Variants in ZNF407 observed in about 807,000 individuals in gnomAD.
ZNF407 encodes the protein zinc finger protein 407.
In ZNF407, 17 loss-of-function variants were observed where a neutral mutation model predicts 131.2. The ratio of observed to expected loss-of-function variants is 0.13; its 90% CI spans 0.09 to 0.19. ZNF407 has a LOEUF of 0.19. ZNF407 is among the 10% of genes least tolerant of loss of function. ZNF407 has a pLI of 1.00. For missense variants in ZNF407, 2,681 were observed against 2,830.6 expected (o/e 0.95, Z 1.20); for synonymous variants, 1,156 against 1,062.0 (o/e 1.09, Z -1.72).
chr18:75,034,902 TTTC>T (rs1208260698), intron 8 of ZNF407, among the ~76,000 whole-genome samples: 1 of 152,192 alleles, frequency 6.6e-6, no homozygotes, highest in East Asian at 1.9e-4. Context: ...GGTTTGCTGT[TTTC>T]TTCTTCATAA....
chr18:75,042,047 T>C (rs1973379684), intron 8 of ZNF407, among the ~76,000 whole-genome samples: 1 of 151,758 alleles, frequency 6.6e-6, no homozygotes, highest in African/African-American at 2.4e-5. Flanking sequence ...TTAGCCTTGC[T>C]CATTTCTTTC....
intron 4 of ZNF407, among the ~76,000 whole-genome samples, chr18:74,824,267 T>C (rs1159860706): frequency 6.6e-6 from 1 of 152,158 alleles, no homozygotes; most frequent in Admixed American, 6.5e-5. Context: ...GCAGGAAAGA[T>C]GTAAATTCCA....
At chr18:74,787,818 A>G (rs1158143869) in intron 4 of ZNF407, among the ~76,000 whole-genome samples, 1 of 152,222 alleles carries the variant, frequency 6.6e-6, no homozygotes, top group Admixed American at 6.5e-5. Context: ...TTTAGCACAC[A>G]GCTATGACAA....
chr18:74,638,570 C>T (rs1465551804), intron 2 of ZNF407, among the ~76,000 whole-genome samples: 4 of 152,170 alleles, frequency 2.6e-5, no homozygotes, highest in African/African-American at 9.7e-5. Flanking sequence ...TTGAGGAGCC[C>T]TCGTAGGCCT....
chr18:74,753,770 G>A (rs2144951265), intron 3 of ZNF407, among the ~76,000 whole-genome samples: 1 of 152,236 alleles, frequency 6.6e-6, no homozygotes, highest in South Asian at 2.1e-4. Flanking sequence ...TTTTATTGAG[G>A]ATTTTTGCAT....
chr18:74,909,466 A>G (rs1971639859), intron 7 of ZNF407, among the ~76,000 whole-genome samples: 1 of 152,160 alleles, frequency 6.6e-6, no homozygotes, highest in African/African-American at 2.4e-5. Flanking sequence ...TGTAGTCAAA[A>G]AATTTGAGAA....
At chr18:74,797,600 G>A (rs1396378904) in intron 4 of ZNF407, among the ~76,000 whole-genome samples, 4 of 152,222 alleles carry the variant, frequency 2.6e-5, no homozygotes, top group East Asian at 3.8e-4. Context: ...ATATCAACAC[G>A]TTCATAAAGG....
chr18:74,630,858 T>A (rs974567329), intron 1 of ZNF407, 109 bp from the exon 2 acceptor site: 4 of 780,718 alleles, frequency 5.1e-6, no homozygotes, highest in Non-Finnish European at 7.7e-6. Context: ...CATCTCAGTA[T>A]AAAGGGTGTT....
At chr18:74,956,320 C>G (rs1972274897) in intron 8 of ZNF407, among the ~76,000 whole-genome samples, 1 of 151,944 alleles carries the variant, frequency 6.6e-6, no homozygotes, top group Non-Finnish European at 1.5e-5. Flanking sequence ...CCACGTGTGC[C>G]CACAACAGAG....
At chr18:74,945,941 G>C (rs116536427) in intron 8 of ZNF407, among the ~76,000 whole-genome samples, 7,094 of 152,158 alleles carry the variant, frequency 0.047, 561 homozygotes, top group African/African-American at 0.16. Context: ...AAAACTGTGG[G>C]TGAAAACTAA....
chr18:74,772,380 T>C (rs557784899), intron 3 of ZNF407, among the ~76,000 whole-genome samples: 5 of 152,234 alleles, frequency 3.3e-5, no homozygotes, highest in Non-Finnish European at 5.9e-5. Context: ...ATTTGGTTGA[T>C]GTTGGCTTCT....
intron 4 of ZNF407, among the ~76,000 whole-genome samples, chr18:74,875,311 A>G (rs1315464984): frequency 1.3e-5 from 2 of 152,164 alleles, no homozygotes; most frequent in African/African-American, 2.4e-5. Flanking sequence ...TTGTCATTTC[A>G]CGACAGGCAC....
intron 4 of ZNF407, among the ~76,000 whole-genome samples, chr18:74,858,017 C>G (rs558119826): frequency 3.4e-4 from 50 of 147,716 alleles, no homozygotes; most frequent in South Asian, 1.8e-3. Flanking sequence ...TCTTCCTTCC[C>G]TTCCTTCCCT....
chr18:74,931,878 C>CT (rs1167835279), intron 8 of ZNF407, among the ~76,000 whole-genome samples: 7 of 152,012 alleles, frequency 4.6e-5, no homozygotes, highest in Non-Finnish European at 1.0e-4. Flanking sequence ...TATTTTTCCC[C>CT]TTTTTTCATT....
chr18:74,627,712 T>G (rs900893811), intron 1 of ZNF407, among the ~76,000 whole-genome samples: 23 of 152,168 alleles, frequency 1.5e-4, no homozygotes, highest in African/African-American at 5.6e-4. Flanking sequence ...CAAATAAGGT[T>G]GGAAAGAGCT....
At chr18:75,022,426 T>G (rs753198910) in intron 8 of ZNF407, among the ~76,000 whole-genome samples, 1 of 152,220 alleles carries the variant, frequency 6.6e-6, no homozygotes, top group Non-Finnish European at 1.5e-5. Flanking sequence ...TATCACATAG[T>G]GGCTTAGAGC....
At chr18:74,835,354 A>C (rs770112585) in intron 4 of ZNF407, among the ~76,000 whole-genome samples, 11 of 152,184 alleles carry the variant, frequency 7.2e-5, no homozygotes, top group Non-Finnish European at 1.5e-4. Context: ...TGCTTGAGCC[A>C]CTTGCACAGA....
intron 8 of ZNF407, among the ~76,000 whole-genome samples, chr18:74,924,999 C>G (rs561037688): frequency 6.6e-6 from 1 of 152,236 alleles, no homozygotes; most frequent in Non-Finnish European, 1.5e-5. Context: ...TTTCTTATTT[C>G]TCTCTGAGAC....
chr18:74,598,709 G>T (rs1171801644), intron 1 of ZNF407, among the ~76,000 whole-genome samples: 5 of 152,250 alleles, frequency 3.3e-5, no homozygotes, highest in Non-Finnish European at 7.3e-5. Context: ...GGAGACCCGC[G>T]GCTGCCTGAC....
Sources: gnomAD v4.1 joint callset for allele counts (sites outside exome capture counted in the v4.1 genomes callset) on GRCh38, gnomAD v4.1.1 for gene constraint, MANE v1.5 for transcripts, NCBI Gene and HGNC (gene_info 2026-07-23, HGNC 2026-07-21) for gene names.